Variants in DCLK1 observed in about 807,000 individuals in gnomAD.
DCLK1 encodes the protein doublecortin like kinase 1.
A neutral mutation model predicts 86.2 loss-of-function variants in DCLK1; 16 were observed. That is an observed-to-expected ratio of 0.19 (90% confidence interval 0.13 to 0.28). DCLK1 has a LOEUF of 0.28. Among genes scored for constraint, DCLK1 ranks in the 10% least tolerant of loss-of-function variants. The pLI, the probability that DCLK1 is intolerant of heterozygous loss-of-function variation, is 1.00. For missense variants in DCLK1, 590 were observed against 940.2 expected, an observed-to-expected ratio of 0.63 and a Z score of 4.87; for synonymous variants, 369 against 370.5, an observed-to-expected ratio of 1.00 and a Z score of 0.05.
intron 2 of DCLK1, among the ~76,000 whole-genome samples, chr13:36,115,685 A>T (rs1359212589): frequency 6.6e-6 from 1 of 152,136 alleles, no homozygotes; most frequent in East Asian, 1.9e-4. Flanking sequence ...CATTTAATGA[A>T]GGCCAAAAAC....
At chr13:36,091,816 C>G (rs1188347120) in intron 3 of DCLK1, among the ~76,000 whole-genome samples, 1 of 152,178 alleles carries the variant, frequency 6.6e-6, no homozygotes, top group Non-Finnish European at 1.5e-5. Context: ...ATCCATTTCC[C>G]CCACTACTGG....
At chr13:36,027,127 C>T (rs1269386275) in intron 3 of DCLK1, among the ~76,000 whole-genome samples, 1 of 152,128 alleles carries the variant, frequency 6.6e-6, no homozygotes, top group Non-Finnish European at 1.5e-5. Context: ...CCAGCAGTCC[C>T]CAACCTTTTT....
chr13:35,928,075 T>C (rs1690498471), intron 4 of DCLK1, among the ~76,000 whole-genome samples: 1 of 152,168 alleles, frequency 6.6e-6, no homozygotes, highest in Non-Finnish European at 1.5e-5. Context: ...ATCATAAAGA[T>C]AGTGCTTTCC....
chr13:35,985,392 A>AAAC lies in DCLK1; in HGVS notation c.724-37936_724-37935insGTT, dbSNP rs199545696. Among the ~76,000 whole-genome samples, 259 of 92,074 alleles carry AAAC rather than the reference A, an allele frequency of 2.8e-3. 1 individual carries two copies. Among genetic ancestry groups the AAAC allele is most frequent in the Middle Eastern group, 0.023 (3 of 130 alleles). The allele number at this position is 92,074 out of a possible 152,430, so 60.4% of individuals were successfully genotyped here. On this transcript the variant is annotated intron_variant, in intron 3 of 16. Transcript: ENST00000360631. ...CCTGCTCTTTGAAAAACAAACAAAC[A>AAAC]AAAAAAAAAAATTGGAGTACTGAAA... is the stretch of plus-strand genomic sequence containing the variant.
chr13:35,878,972 G>C (rs1042848110), intron 4 of DCLK1, among the ~76,000 whole-genome samples: 5 of 152,072 alleles, frequency 3.3e-5, no homozygotes, highest in Non-Finnish European at 5.9e-5. Flanking sequence ...TATTAGTAGA[G>C]ATGGGGTTTC....
intron 3 of DCLK1, among the ~76,000 whole-genome samples, chr13:36,077,289 T>C (rs1307185893): frequency 6.6e-6 from 1 of 152,182 alleles, no homozygotes; most frequent in East Asian, 1.9e-4. Context: ...ATAATTATTT[T>C]CCAGCCTAAA....
At chr13:36,114,311 A>T (rs1030586107) in intron 2 of DCLK1, among the ~76,000 whole-genome samples, 1 of 152,220 alleles carries the variant, frequency 6.6e-6, no homozygotes, top group Non-Finnish European at 1.5e-5. Context: ...AGCAACAATG[A>T]TCAGAAGAAA....
chr13:36,074,449 C>A (rs537064699), intron 3 of DCLK1, among the ~76,000 whole-genome samples: 5 of 117,956 alleles, frequency 4.2e-5, no homozygotes, highest in Admixed American at 1.1e-4. Context: ...CCAGCCTGGG[C>A]GACAGCGAGA....
intron 3 of DCLK1, among the ~76,000 whole-genome samples, chr13:35,982,783 A>G (rs1451259801): frequency 6.6e-6 from 1 of 152,046 alleles, no homozygotes; most frequent in Admixed American, 6.6e-5. Flanking sequence ...TGTTTGTTTG[A>G]AAGGGTCTCA....
intron 3 of DCLK1, among the ~76,000 whole-genome samples, chr13:35,988,152 C>G (rs2153143132): frequency 6.6e-6 from 1 of 152,376 alleles, no homozygotes; most frequent in African/African-American, 2.4e-5. Context: ...CCCTGAGTGG[C>G]TGGAGTGCCA....
intron 4 of DCLK1, among the ~76,000 whole-genome samples, chr13:35,920,783 T>A (rs1051544226): frequency 5.9e-5 from 9 of 152,048 alleles, no homozygotes; most frequent in Middle Eastern, 3.4e-3. Flanking sequence ...CTAAGCAGCA[T>A]CCCCCATACA....
At chr13:35,966,328 T>C (rs1031782363) in intron 3 of DCLK1, among the ~76,000 whole-genome samples, 2 of 152,232 alleles carry the variant, frequency 1.3e-5, no homozygotes. Flanking sequence ...TGAATAGATA[T>C]TTCTGCACCC....
intron 2 of DCLK1, among the ~76,000 whole-genome samples, chr13:36,113,161 A>AC (rs1341042013): frequency 6.6e-6 from 1 of 152,224 alleles, no homozygotes; most frequent in Non-Finnish European, 1.5e-5. Flanking sequence ...AGGTAAAATG[A>AC]CCGAGGCCTA....
chr13:35,904,561 A>C (rs1161693679), intron 4 of DCLK1, among the ~76,000 whole-genome samples: 1 of 152,184 alleles, frequency 6.6e-6, no homozygotes, highest in Admixed American at 6.5e-5. Flanking sequence ...TGCTCTGATA[A>C]GAAAGAAGGG....
intron 4 of DCLK1, among the ~76,000 whole-genome samples, chr13:35,926,697 T>C (rs1876143948): frequency 1.3e-5 from 2 of 152,258 alleles, no homozygotes; most frequent in Non-Finnish European, 2.9e-5. Context: ...TTGTCCATTA[T>C]ATTACAGCCT....
Position 35,967,377 on chromosome 13 carries a change from A to G in DCLK1, c.724-19920T>C, listed in dbSNP as rs200862468. On this transcript the variant is annotated intron_variant, in intron 3 of 16. Transcript: ENST00000360631. ...CCATGATGACGATGGCGGTTTTGTC[A>G]AATAGAAAAGGGGGAAATGTGGGGA... Among the ~76,000 whole-genome samples the G allele has an allele frequency of 2.9e-3, 441 of 152,314 alleles. 18 individuals are homozygous for G. In the East Asian group the frequency reaches 0.062, roughly 21 times the overall value.
intron 4 of DCLK1, among the ~76,000 whole-genome samples, chr13:35,937,217 C>T (rs1876813445): frequency 2.6e-5 from 4 of 151,952 alleles, no homozygotes; most frequent in Non-Finnish European, 5.9e-5. Context: ...TCATGATCCG[C>T]CCGCCTCAGC....
chr13:35,902,807 T>C (rs1481870625), intron 4 of DCLK1, among the ~76,000 whole-genome samples: 1 of 152,148 alleles, frequency 6.6e-6, no homozygotes, highest in Non-Finnish European at 1.5e-5. Flanking sequence ...GTGACAACTG[T>C]GGATCCTAAA....
intron 4 of DCLK1, among the ~76,000 whole-genome samples, chr13:35,928,748 T>C (rs1292282989): frequency 1.3e-5 from 2 of 152,200 alleles, no homozygotes; most frequent in African/African-American, 2.4e-5. Context: ...GCCAAATCTA[T>C]ACCTCTATGC....
Sources: allele counts gnomAD v4.1 joint callset (sites outside exome capture counted in the v4.1 genomes callset), GRCh38; gene constraint gnomAD v4.1.1; transcripts MANE v1.5; gene names NCBI Gene and HGNC (gene_info 2026-07-23, HGNC 2026-07-21).